LAMA2: variants seen among roughly 807,000 people sequenced by gnomAD.
LAMA2 encodes laminin subunit alpha-2.
A neutral mutation model predicts 364.8 loss-of-function variants in LAMA2; 269 were observed. That is an observed-to-expected ratio of 0.74 (90% CI 0.67 to 0.82). The LOEUF (loss-of-function observed/expected upper bound fraction) is 0.82, where lower values mean the gene tolerates loss of function less well. Ranked by LOEUF, LAMA2 falls within the 40% of genes least tolerant of loss-of-function variation. The pLI is 0.00. For missense variants in LAMA2, 3,807 were observed against 3,873.2 expected, an observed-to-expected ratio of 0.98 and a Z score of 0.45; for synonymous variants, 1,379 against 1,370.6, an observed-to-expected ratio of 1.01 and a Z score of -0.14.
At chr6:129,221,812 A>G (rs1168111563) in intron 12 of LAMA2, among the ~76,000 whole-genome samples, 1 of 152,202 alleles carries the variant, frequency 6.6e-6, no homozygotes, top group Non-Finnish European at 1.5e-5. Context: ...TACTGTTTAT[A>G]TTAAGAAGAG....
intron 1 of LAMA2, among the ~76,000 whole-genome samples, chr6:128,902,518 A>T (rs1476340024): frequency 6.6e-6 from 1 of 152,238 alleles, no homozygotes; most frequent in Non-Finnish European, 1.5e-5. Context: ...AGAATTTTAC[A>T]CTATTCATTA....
intron 1 of LAMA2, among the ~76,000 whole-genome samples, chr6:129,005,962 G>A (rs1413870497): frequency 2.0e-5 from 3 of 151,286 alleles, no homozygotes; most frequent in Non-Finnish European, 4.4e-5. Flanking sequence ...TTTCCTTCTT[G>A]TTTGGAATGA....
chr6:128,952,595 T>TTA (rs1380449499), intron 1 of LAMA2, among the ~76,000 whole-genome samples: 1 of 152,158 alleles, frequency 6.6e-6, no homozygotes, highest in East Asian at 1.9e-4. Context: ...TTTACAGGTG[T>TTA]TATATTTTAT....
At chr6:129,444,918 C>G (rs577722284) in intron 44 of LAMA2, among the ~76,000 whole-genome samples, 27 of 152,228 alleles carry the variant, frequency 1.8e-4, no homozygotes, top group Non-Finnish European at 3.5e-4. Flanking sequence ...CATAGGCCCT[C>G]CCTTGAAAAG....
chr6:128,995,349 T>A (rs752131165), intron 1 of LAMA2, among the ~76,000 whole-genome samples: 13 of 152,162 alleles, frequency 8.5e-5, no homozygotes, highest in Admixed American at 3.3e-4. Context: ...TGAGACAAAG[T>A]CTCACTCTGT....
chr6:129,022,001 G>A (rs1215852531), intron 1 of LAMA2, among the ~76,000 whole-genome samples: 1 of 152,160 alleles, frequency 6.6e-6, no homozygotes, highest in Non-Finnish European at 1.5e-5. Context: ...TTCATCCATT[G>A]GAGAGTTCTC....
At chr6:129,436,426 C>T (rs1170007981) in intron 41 of LAMA2, among the ~76,000 whole-genome samples, 1 of 152,088 alleles carries the variant, frequency 6.6e-6, no homozygotes, top group African/African-American at 2.4e-5. Context: ...ATAGATTGCA[C>T]CTGTACCATT....
At chr6:129,426,695 A>G (rs1051870645) in intron 40 of LAMA2, among the ~76,000 whole-genome samples, 3 of 152,202 alleles carry the variant, frequency 2.0e-5, no homozygotes, top group Admixed American at 6.5e-5. Flanking sequence ...TGTACAATCA[A>G]TCTGTTCTAT....
In LAMA2 at chr6:129,346,447, A is replaced by G. The variant is rs372165332; in HGVS notation, c.4437-2851A>G. On this transcript the variant is annotated intron_variant, in intron 30 of 64. Coordinates refer to ENST00000421865, the MANE Select transcript of LAMA2 (RefSeq NM_000426.4). The stretch of plus-strand genomic sequence containing the variant: ...ATTTTATATACAACGAACACATTTT[A>G]CTATACAGAATTATTTCAATCATTC... Among the ~76,000 whole-genome samples, 35 of 152,340 alleles carry G rather than the reference A, an allele frequency of 2.3e-4. No individual in the cohort carries two copies. In the South Asian group the frequency reaches 7.0e-3, roughly 31 times the overall value.
At chr6:128,947,362 T>C (rs1303316841) in intron 1 of LAMA2, among the ~76,000 whole-genome samples, 1 of 152,220 alleles carries the variant, frequency 6.6e-6, no homozygotes, top group Non-Finnish European at 1.5e-5. Context: ...TTGCTATTTA[T>C]GTTTCCATCT....
intron 9 of LAMA2, among the ~76,000 whole-genome samples, chr6:129,174,185 T>G (rs1029888910): frequency 6.6e-6 from 1 of 152,062 alleles, no homozygotes; most frequent in African/African-American, 2.4e-5. Flanking sequence ...ATCCCAAGAT[T>G]AGAAAAATGT....
At chr6:129,134,498 C>A (rs983361761) in intron 4 of LAMA2, among the ~76,000 whole-genome samples, 3 of 152,096 alleles carry the variant, frequency 2.0e-5, no homozygotes, top group Admixed American at 1.3e-4. Flanking sequence ...AGTCCCCAAC[C>A]TTTTTGGTAC....
intron 40 of LAMA2, among the ~76,000 whole-genome samples, chr6:129,427,117 T>C (rs1444405910): frequency 1.3e-5 from 2 of 152,246 alleles, no homozygotes; most frequent in Non-Finnish European, 2.9e-5. Flanking sequence ...TCACCTTTTT[T>C]AATCTGAGTC....
chr6:128,885,874 T>G, intron 1 of LAMA2, among the ~76,000 whole-genome samples: 1 of 152,212 alleles, frequency 6.6e-6, no homozygotes, highest in Non-Finnish European at 1.5e-5. Flanking sequence ...AAGGAAATTC[T>G]TTAGCTATAT....
rs191641055 is a variant in LAMA2 at position 129,477,192 on chromosome 6, G to A, written c.7452-1501G>A. 1.5e-3 allele frequency among the ~76,000 whole-genome samples: 224 copies of A among 152,182 alleles called. 1 individual carries two copies. Among genetic ancestry groups the A allele is most frequent in the Admixed American group, 3.8e-3 (58 of 15,288 alleles). On this transcript the variant is annotated intron_variant, in intron 53 of 64. Coordinates refer to ENST00000421865, the MANE Select transcript of LAMA2 (RefSeq NM_000426.4). ...CACAAGTCACAGTAGCTATTTAATT[G>A]TAAATTAAATCAAATTAAATAACAA...
intron 1 of LAMA2, among the ~76,000 whole-genome samples, chr6:129,025,969 T>A (rs1785781494): frequency 6.6e-6 from 1 of 152,178 alleles, no homozygotes; most frequent in Admixed American, 6.5e-5. Context: ...CACACACACA[T>A]GCAAGGTTTC....
chr6:129,205,730 A>G (rs1037872847), intron 12 of LAMA2, among the ~76,000 whole-genome samples: 4 of 152,020 alleles, frequency 2.6e-5, no homozygotes, highest in South Asian at 2.1e-4. Context: ...TTTTAAATAA[A>G]TTAAACTTAG....
chr6:129,180,830 G>T (rs1237788987), intron 10 of LAMA2, among the ~76,000 whole-genome samples: 1 of 152,106 alleles, frequency 6.6e-6, no homozygotes, highest in Non-Finnish European at 1.5e-5. Context: ...GAGCAACTGG[G>T]GTCATGGGGT....
chr6:129,228,128 C>T (rs1212844050), intron 12 of LAMA2, among the ~76,000 whole-genome samples: 3 of 152,144 alleles, frequency 2.0e-5, no homozygotes, highest in East Asian at 1.9e-4. Context: ...ACCCTCCGAG[C>T]CAGGTGTGGG....
Sources: allele counts gnomAD v4.1 joint callset (sites outside exome capture counted in the v4.1 genomes callset), GRCh38; gene constraint gnomAD v4.1.1; transcripts MANE v1.5; gene names NCBI Gene and HGNC (gene_info 2026-07-23, HGNC 2026-07-21).